The following ANKRD18A variants were observed in gnomAD, a reference collection of about 807,000 sequenced individuals.
ANKRD18A encodes ankyrin repeat domain-containing protein 18A.
ANKRD18A carries 72 observed loss-of-function variants against 110.6 expected under a neutral mutation model. The observed-to-expected ratio is 0.65, with a 90% CI of 0.54 to 0.79. ANKRD18A has a LOEUF of 0.79. Ranked by LOEUF, ANKRD18A falls within the 30% of genes least tolerant of loss-of-function variation. The pLI, the probability that ANKRD18A is intolerant of heterozygous loss-of-function variation, is 0.00. For missense variants in ANKRD18A, 934 were observed against 1,163.3 expected (o/e 0.80, Z 2.87); for synonymous variants, 305 against 410.3 (o/e 0.74, Z 3.10).
chr9:38,595,915 C>G lies in ANKRD18A; in HGVS notation c.1425G>C (p.Gln475His). 1 of 1,551,196 alleles carries G rather than the reference C, an allele frequency of 6.4e-7. No homozygotes were observed. Among genetic ancestry groups the G allele is most frequent in the South Asian group, 1.2e-5 (1 of 83,954 alleles). ...TGAACTTCACCCGAGCTTTATGGAC[C>G]TGTTCAGTAAGCAACTCATTCTTAT... is the stretch of plus-strand genomic sequence containing the variant. ...LTDKNELLTE[Q>H]VHKARVKFNT... Residue 475 changes from glutamine (Q) to histidine (H), a missense_variant, in exon 9 of 16, where the codon CAG becomes CAC. Physicochemically the swap from Gln to His is conservative, Grantham distance 24. Around this residue, in one of 4 missense-constraint regions of ANKRD18A, gnomAD observed 630 missense variants for 797.5 expected, o/e 0.79. Transcript: ENST00000399703.
downstream of ANKRD18A, chr9:38,571,256 G>A: frequency 2.7e-6 from 4 of 1,463,020 alleles, no homozygotes; most frequent in South Asian, 5.5e-5. Context: ...AAGTAAAAAA[G>A]TGCTGACAGA....
At chr9:38,570,099 G>A (rs61083183), downstream of ANKRD18A, among the ~76,000 whole-genome samples, 3,875 of 152,066 alleles carry the variant, frequency 0.025, 178 homozygotes, top group African/African-American at 0.087. Context: ...TGGCCCCAAC[G>A]AGGCCCCTAA....
chr9:38,602,152 AG>A (rs1323585254), intron 7 of ANKRD18A, among the ~76,000 whole-genome samples: 2 of 150,258 alleles, frequency 1.3e-5, no homozygotes, highest in Admixed American at 1.3e-4. Context: ...GCTGCACATC[AG>A]GTCTTTGCAT....
chr9:38,610,249 C>G (rs557726929), intron 5 of ANKRD18A, 24 bp downstream of exon 5: 6 of 1,496,758 alleles, frequency 4.0e-6, no homozygotes, highest in Non-Finnish European at 5.3e-6. Context: ...TAGTATTAAC[C>G]GGTCTTTTAA....
intron 10 of ANKRD18A, among the ~76,000 whole-genome samples, chr9:38,589,454 A>G (rs1824537238): frequency 6.6e-6 from 1 of 152,222 alleles, no homozygotes; most frequent in Non-Finnish European, 1.5e-5. Context: ...ACCTGTCACA[A>G]TTTAATTAAT....
At chr9:38,619,982 G>A (rs1826014545) in intron 1 of ANKRD18A, 98 bp downstream of exon 1, 40 of 1,424,138 alleles carry the variant, frequency 2.8e-5, no homozygotes, top group Middle Eastern at 2.5e-4. Flanking sequence ...CTCCGAGGGT[G>A]CCCGGCGCCC....
intron 7 of ANKRD18A, among the ~76,000 whole-genome samples, chr9:38,601,589 T>C (rs1825118686): frequency 6.6e-6 from 1 of 152,242 alleles, no homozygotes. Flanking sequence ...TATTTACTAA[T>C]AATTTGCAAA....
Position 38,575,659 on chromosome 9 carries a change from A to G in ANKRD18A, c.2781T>C (p.Phe927=), listed in dbSNP as rs1241003455. The stretch of plus-strand genomic sequence containing the variant: ...AATATTTCATCCGCTGTTTCTCCGT[A>G]AAGAGCTTGGTGCTGATCACTGCTA... ...KKIAVISTKL[F]TEKQRMKYFL... is the part of the protein sequence containing the mutation. Residue 927 remains phenylalanine, a synonymous_variant, in exon 15 of 16, where the codon TTT becomes TTC. Transcript: ENST00000399703. 3.9e-6 allele frequency: 6 copies of G among 1,551,740 alleles called. No homozygotes were observed. Among genetic ancestry groups the G allele is most frequent in the Admixed American group, 3.9e-5 (2 of 50,986 alleles).
chr9:38,571,855 C>A lies in ANKRD18A; in HGVS notation c.*190G>T. 20 of 1,282,172 alleles carry A rather than the reference C, an allele frequency of 1.6e-5. No individual in the cohort carries two copies. The highest frequency in any genetic ancestry group is 1.9e-5 in the Non-Finnish European group (19 of 1,005,718). The allele number at this position is 1,282,172 out of a possible 1,614,324, so 79.4% of individuals were successfully genotyped here. On this transcript the variant is annotated 3_prime_UTR_variant, in exon 16 of 16. Coordinates refer to ENST00000399703, the MANE Select transcript of ANKRD18A (RefSeq NM_147195.4). The stretch of plus-strand genomic sequence containing the variant: ...ACACCATATGTGACATGAAAATATT[C>A]TACTTTAGTAAAGATTATGATGTTT...
intron 15 of ANKRD18A, among the ~76,000 whole-genome samples, chr9:38,573,589 C>A (rs1217831070): frequency 2.0e-5 from 3 of 152,006 alleles, no homozygotes; most frequent in African/African-American, 7.3e-5. Flanking sequence ...GTGGTGCATG[C>A]CTCTAGTCCC....
intron 15 of ANKRD18A, among the ~76,000 whole-genome samples, chr9:38,574,903 G>A (rs1007523682): frequency 2.6e-5 from 4 of 151,910 alleles, no homozygotes; most frequent in African/African-American, 7.3e-5. Flanking sequence ...AGACCTGCCT[G>A]GCCAATATGG....
intron 6 of ANKRD18A, among the ~76,000 whole-genome samples, chr9:38,607,103 C>T (rs776853132): frequency 1.4e-4 from 21 of 152,174 alleles, no homozygotes; most frequent in Non-Finnish European, 2.8e-4. Context: ...TCCATCCAGG[C>T]TGGAGTGCAG....
At chr9:38,573,231 A>G in intron 15 of ANKRD18A, 4 of 534,894 alleles carry the variant, frequency 7.5e-6, no homozygotes, top group Non-Finnish European at 1.2e-5. Context: ...ATTTTTAGTG[A>G]CTAGACATAA....
In ANKRD18A at chr9:38,615,590, G is replaced by A. The variant is rs753822660; in HGVS notation, c.495+4C>T. ...TTTTGAAAAGAAAGTTGATTGATCT[G>A]TACCTTGTTTAGTGCTTCAATATTT... On this transcript the variant is annotated splice_donor_region_variant and intron_variant, in intron 3 of 15. Transcript: ENST00000399703. 81 of 1,595,546 alleles carry A rather than the reference G, an allele frequency of 5.1e-5. No homozygotes were observed. Among genetic ancestry groups the A allele is most frequent in the Non-Finnish European group, 5.6e-5 (66 of 1,172,274 alleles).
In ANKRD18A at chr9:38,575,572, A is replaced by G; in HGVS notation, c.2868T>C (p.Ser956=). The G allele has an allele frequency of 6.4e-7, 1 of 1,551,536 alleles. No homozygotes were observed. The highest frequency in any genetic ancestry group is 8.7e-7 in the Non-Finnish European group (1 of 1,146,822). Residue 956 remains serine, a synonymous_variant, in exon 15 of 16, where the codon AGT becomes AGC. Coordinates refer to ENST00000399703, the MANE Select transcript of ANKRD18A (RefSeq NM_147195.4). ...GAATATATTTTCTGTTGAGTTCTATACTATTAAGATTTTCAACACAAGGTA... is the reference window on the plus strand; with the variant it reads ...GAATATATTTTCTGTTGAGTTCTATGCTATTAAGATTTTCAACACAAGGTA... The part of the protein sequence containing the change: ...PELPCVENLN[S]IELNRKYIPK...
At chr9:38,589,717 A>G (rs1587504487) in intron 10 of ANKRD18A, among the ~76,000 whole-genome samples, 1 of 152,324 alleles carries the variant, frequency 6.6e-6, no homozygotes, top group East Asian at 1.9e-4. Context: ...TATTTTTAGC[A>G]GAGATGGTGT....
chr9:38,566,640 A>G (rs1188365687), downstream of ANKRD18A: 1 of 152,188 alleles, frequency 6.6e-6, no homozygotes, highest in Non-Finnish European at 1.5e-5. Flanking sequence ...CATTTTCTGT[A>G]TGATTCATTA....
Position 38,620,148 on chromosome 9 carries a change from G to A in ANKRD18A, c.138C>T (p.Asp46=), listed in dbSNP as rs780540714. Residue 46 remains aspartate, a synonymous_variant, in exon 1 of 16, where the codon GAC becomes GAT. Coordinates refer to ENST00000399703, the MANE Select transcript of ANKRD18A (RefSeq NM_147195.4). ...TCAGGCAGCGCTCCACCTCCGCGGCGTCGCCCTTGATGGCAGCCCTGTGGA... is the reference window on the plus strand; with the variant it reads ...TCAGGCAGCGCTCCACCTCCGCGGCATCGCCCTTGATGGCAGCCCTGTGGA... ...RKIHRAAIKG[D]AAEVERCLTR... The A allele has an allele frequency of 8.3e-6, 13 of 1,569,460 alleles. No individual in the cohort carries two copies. Among genetic ancestry groups the A allele is most frequent in the Non-Finnish European group, 1.1e-5 (13 of 1,157,286 alleles).
intron 15 of ANKRD18A, chr9:38,572,866 G>C: frequency 3.9e-6 from 1 of 255,880 alleles, no homozygotes; most frequent in Non-Finnish European, 7.5e-6. Context: ...TCCACTTCTT[G>C]GGAATTTTTT....
Sources: allele counts gnomAD v4.1 joint callset (sites outside exome capture counted in the v4.1 genomes callset), GRCh38; gene constraint gnomAD v4.1.1; regional missense constraint gnomAD v4.1.1; transcripts MANE v1.5; gene names NCBI Gene and HGNC (gene_info 2026-07-23, HGNC 2026-07-21).